LRRIQ3: variants seen among roughly 807,000 people sequenced by gnomAD.
LRRIQ3 encodes the protein leucine-rich repeat and IQ domain-containing protein 3.
Under a neutral mutation model 59.3 loss-of-function variants are expected in LRRIQ3, and 75 were observed. That is an observed-to-expected ratio of 1.26 (90% confidence interval 1.05 to 1.53). The LOEUF (loss-of-function observed/expected upper bound fraction) is 1.53, where lower values mean the gene tolerates loss of function less well. Among genes scored for constraint, LRRIQ3 ranks in the 40% most tolerant of loss-of-function variants. The probability of loss-of-function intolerance (pLI) is 0.00; values close to 1 mark genes in which losing one functional copy is unlikely to be tolerated. For missense variants in LRRIQ3, 831 were observed against 710.0 expected (o/e 1.17, Z -1.94); for synonymous variants, 250 against 231.3 (o/e 1.08, Z -0.73).
intron 5 of LRRIQ3, chr1:74,108,786 G>A (rs1388489550): frequency 4.8e-6 from 1 of 208,730 alleles, no homozygotes; most frequent in East Asian, 1.6e-4. Context: ...CAGAAGACCT[G>A]GAGTCCGATC....
At chr1:74,179,503 T>C (rs1333264159) in intron 3 of LRRIQ3, among the ~76,000 whole-genome samples, 1 of 152,004 alleles carries the variant, frequency 6.6e-6, no homozygotes, top group Non-Finnish European at 1.5e-5. Context: ...ACAAGGCTCA[T>C]TATTTTTCTG....
chr1:74,032,723 C>T (rs1237363414), intron 7 of LRRIQ3, among the ~76,000 whole-genome samples: 1 of 151,980 alleles, frequency 6.6e-6, no homozygotes, highest in Non-Finnish European at 1.5e-5. Context: ...CCTTTACCAA[C>T]ACATTCACAG....
At chr1:74,066,476 A>G (rs1654870348) in intron 6 of LRRIQ3, among the ~76,000 whole-genome samples, 1 of 152,074 alleles carries the variant, frequency 6.6e-6, no homozygotes, top group Non-Finnish European at 1.5e-5. Context: ...GCTACTTTTC[A>G]TAATACATTT....
intron 4 of LRRIQ3, among the ~76,000 whole-genome samples, chr1:74,124,083 T>C (rs1646900783): frequency 6.6e-6 from 1 of 152,016 alleles, no homozygotes; most frequent in African/African-American, 2.4e-5. Flanking sequence ...GGTATCTCAA[T>C]GTAGCTTTGA....
In LRRIQ3 at chr1:74,155,911, G is replaced by A. The variant is rs780253663; in HGVS notation, c.574-45C>T. 24 of 1,056,440 alleles carry A rather than the reference G, an allele frequency of 2.3e-5. No individual in the cohort carries two copies. In the East Asian group the frequency reaches 3.8e-4, roughly 17 times the overall value. 65.4% of individuals were successfully genotyped at this position (1,056,440 alleles called of 1,614,324 possible). A position where few individuals can be genotyped will look rare whatever the true frequency, so the allele number is the denominator to read the frequency against. The stretch of plus-strand genomic sequence containing the variant: ...TTAATAATTTTTATCTTTCATGAAA[G>A]TATTTTCAAAAGATATTTTAAATTT... On this transcript the variant is annotated intron_variant, in intron 3 of 7. Transcript: ENST00000354431.
intron 4 of LRRIQ3, among the ~76,000 whole-genome samples, chr1:74,128,622 A>T (rs1473074011): frequency 1.3e-5 from 2 of 152,010 alleles, no homozygotes; most frequent in Non-Finnish European, 2.9e-5. Flanking sequence ...TTGTTTGGTG[A>T]GGTCATGTTT....
chr1:74,103,893 C>A (rs190061371), intron 5 of LRRIQ3, among the ~76,000 whole-genome samples: 1 of 151,804 alleles, frequency 6.6e-6, no homozygotes, highest in Admixed American at 6.6e-5. Flanking sequence ...CTCACCGTGA[C>A]TTGCCAGCTC....
In LRRIQ3 at chr1:74,039,825, C is replaced by T. The variant is rs546787897; in HGVS notation, c.1718+1388G>A. Reference sequence around the variant, plus strand: ...AAGGAAAAACCGGTACCAGCCACTGCAAAAACACACCAAAATATAATGACC... The same window carrying T: ...AAGGAAAAACCGGTACCAGCCACTGTAAAAACACACCAAAATATAATGACC... On this transcript the variant is annotated intron_variant, in intron 7 of 7. Coordinates refer to ENST00000354431, the MANE Select transcript of LRRIQ3 (RefSeq NM_001105659.2). Among the ~76,000 whole-genome samples the T allele has an allele frequency of 1.3e-4, 20 of 152,226 alleles. No homozygotes were observed. In the South Asian group the frequency reaches 3.1e-3, roughly 24 times the overall value.
chr1:74,092,540 C>G (rs768705429), intron 5 of LRRIQ3, among the ~76,000 whole-genome samples: 3 of 151,922 alleles, frequency 2.0e-5, no homozygotes, highest in Non-Finnish European at 2.9e-5. Flanking sequence ...GGAAGGCAGG[C>G]TACATGCTGA....
intron 3 of LRRIQ3, among the ~76,000 whole-genome samples, chr1:74,163,732 T>C (rs1042705509): frequency 2.0e-5 from 3 of 151,600 alleles, no homozygotes; most frequent in African/African-American, 7.2e-5. Context: ...ATGTACAAGC[T>C]TTTATGTGAA....
intron 7 of LRRIQ3, among the ~76,000 whole-genome samples, chr1:74,029,039 C>T (rs967064798): frequency 1.3e-5 from 2 of 151,858 alleles, no homozygotes; most frequent in Admixed American, 6.6e-5. Flanking sequence ...ATTTAAAAGT[C>T]TTAAAGATTT....
At chr1:74,095,311 G>A (rs1557612030) in intron 5 of LRRIQ3, among the ~76,000 whole-genome samples, 2 of 152,078 alleles carry the variant, frequency 1.3e-5, no homozygotes, top group Admixed American at 6.6e-5. Context: ...TTTTATGTGA[G>A]AGAACAGTTG....
At chr1:74,193,029 T>C (rs1016895517) in intron 1 of LRRIQ3, among the ~76,000 whole-genome samples, 9 of 152,176 alleles carry the variant, frequency 5.9e-5, no homozygotes, top group African/African-American at 2.4e-5. Context: ...ATGATTCTAC[T>C]GCCTACCAAG....
At chr1:74,171,742 A>G (rs1649334300) in intron 3 of LRRIQ3, among the ~76,000 whole-genome samples, 1 of 152,160 alleles carries the variant, frequency 6.6e-6, no homozygotes, top group African/African-American at 2.4e-5. Context: ...TCATATATAA[A>G]GCCATCTGAC....
At position 74,158,205 on chromosome 1, in the gene LRRIQ3, T is replaced by A. The variant is rs147183906; in HGVS notation, c.574-2339A>T. On this transcript the variant is annotated intron_variant, in intron 3 of 7. Transcript: ENST00000354431. ...CTTACTAAAATTCTCCTAACTTATA[T>A]CTTCATTAATTCCTGTTCCCCCACT... is the stretch of plus-strand genomic sequence containing the variant. Among the ~76,000 whole-genome samples, 26 of 152,260 alleles carry A rather than the reference T, an allele frequency of 1.7e-4. No individual in the cohort carries two copies. In the East Asian group the frequency reaches 4.1e-3, roughly 24 times the overall value.
At chr1:74,065,311 A>G (rs1196196414) in intron 6 of LRRIQ3, among the ~76,000 whole-genome samples, 1 of 152,138 alleles carries the variant, frequency 6.6e-6, no homozygotes. Flanking sequence ...AATTTTAAGA[A>G]AGCTTTATAT....
chr1:74,156,637 C>A (rs1296567982), intron 3 of LRRIQ3, among the ~76,000 whole-genome samples: 1 of 152,024 alleles, frequency 6.6e-6, no homozygotes, highest in African/African-American at 2.4e-5. Flanking sequence ...ACTCTGTCAG[C>A]CCCCATAAAT....
chr1:74,183,685 C>T lies in LRRIQ3; in HGVS notation c.1-1G>A, dbSNP rs764250202. The T allele has an allele frequency of 1.1e-5, 17 of 1,485,356 alleles. No homozygotes were observed. In the South Asian group the frequency reaches 2.4e-4, roughly 21 times the overall value. 92.0% of individuals were successfully genotyped at this position (1,485,356 alleles called of 1,614,324 possible). A position where few individuals can be genotyped will look rare whatever the true frequency, so the allele number is the denominator to read the frequency against. On this transcript the variant is annotated splice_acceptor_variant, in intron 1 of 7. Transcript: ENST00000354431. LOFTEE classifies it low-confidence loss of function (5UTR_SPLICE). ...CTTCTGTGACTGTTCCATGAAACAT[C>T]TAGGAAAGATAAGAAAGTGCTTTGA...
chr1:74,133,956 C>G (rs140413433), intron 4 of LRRIQ3, among the ~76,000 whole-genome samples: 3,078 of 151,968 alleles, frequency 0.02, 34 homozygotes, highest in Middle Eastern at 0.034. Context: ...TGAAATGACA[C>G]TCAATGCTTT....
Sources: allele counts gnomAD v4.1 joint callset (sites outside exome capture counted in the v4.1 genomes callset), GRCh38; gene constraint gnomAD v4.1.1; transcripts MANE v1.5; gene names NCBI Gene and HGNC (gene_info 2026-07-23, HGNC 2026-07-21).